The following TMEM108 variants were observed in gnomAD, a reference collection of about 807,000 sequenced individuals.
The protein encoded by TMEM108 is cancer/testis antigen 124.
In TMEM108, 12 loss-of-function variants were observed where a neutral mutation model predicts 35.1. That is an observed-to-expected ratio of 0.34 (90% CI 0.22 to 0.55). The LOEUF is 0.55. Among genes scored for constraint, TMEM108 ranks in the 20% least tolerant of loss-of-function variants. The pLI is 0.89. For missense variants in TMEM108, 680 were observed against 753.3 expected, an observed-to-expected ratio of 0.90 and a Z score of 1.14; for synonymous variants, 287 against 308.6, an observed-to-expected ratio of 0.93 and a Z score of 0.73.
At chr3:133,307,590 G>T (rs1332174287) in intron 3 of TMEM108, among the ~76,000 whole-genome samples, 1 of 152,054 alleles carries the variant, frequency 6.6e-6, no homozygotes, top group Non-Finnish European at 1.5e-5. Context: ...ATCTACATAT[G>T]GCTAGCCAGT....
intron 2 of TMEM108, among the ~76,000 whole-genome samples, chr3:133,178,535 C>T (rs1309158847): frequency 6.6e-6 from 1 of 151,936 alleles, no homozygotes; most frequent in Non-Finnish European, 1.5e-5. Context: ...CTTTGACAAA[C>T]CTGACAAAAA....
At chr3:133,038,629 C>T (rs1943235409) in intron 1 of TMEM108, among the ~76,000 whole-genome samples, 194 bp downstream of exon 1, 1 of 152,190 alleles carries the variant, frequency 6.6e-6, no homozygotes. Context: ...ATCCTCCCCA[C>T]TGCGTGACGG....
chr3:133,325,882 T>A (rs1205735098), intron 3 of TMEM108, among the ~76,000 whole-genome samples: 2 of 152,034 alleles, frequency 1.3e-5, no homozygotes. Flanking sequence ...TGCTATAACA[T>A]TATGTTTACA....
chr3:133,313,219 A>G (rs1470061943), intron 3 of TMEM108, among the ~76,000 whole-genome samples: 1 of 148,330 alleles, frequency 6.7e-6, no homozygotes, highest in Non-Finnish European at 1.5e-5. Context: ...TTTTTTTGAG[A>G]TGGAGTCTCT....
At chr3:133,338,661 T>C (rs913713910) in intron 3 of TMEM108, among the ~76,000 whole-genome samples, 19 of 152,124 alleles carry the variant, frequency 1.2e-4, no homozygotes, top group African/African-American at 4.3e-4. Flanking sequence ...CAGAATACTG[T>C]AACACTATAA....
chr3:133,322,429 T>C (rs535746630), intron 3 of TMEM108, among the ~76,000 whole-genome samples: 1 of 151,940 alleles, frequency 6.6e-6, no homozygotes, highest in Non-Finnish European at 1.5e-5. Flanking sequence ...CTAGAGGAGG[T>C]GGATAAATTC....
chr3:133,382,244 GA>G (rs1165769395), intron 4 of TMEM108, among the ~76,000 whole-genome samples: 1 of 152,146 alleles, frequency 6.6e-6, no homozygotes, highest in Non-Finnish European at 1.5e-5. Context: ...ATTCTCCTCT[GA>G]CCCTCCAGGT....
intron 3 of TMEM108, among the ~76,000 whole-genome samples, chr3:133,307,838 G>T (rs2071065447): frequency 6.6e-6 from 1 of 151,898 alleles, no homozygotes; most frequent in African/African-American, 2.4e-5. Context: ...GGATTGTCTT[G>T]GCGGGCCCTT....
intron 4 of TMEM108, chr3:133,387,555 G>A: frequency 7.1e-6 from 7 of 985,192 alleles, no homozygotes; most frequent in Non-Finnish European, 8.4e-6. Flanking sequence ...GGGGGCGGAG[G>A]ACTTGGATTC....
intron 3 of TMEM108, among the ~76,000 whole-genome samples, chr3:133,250,010 C>T (rs1478505272): frequency 6.6e-6 from 1 of 152,148 alleles, no homozygotes; most frequent in Admixed American, 6.5e-5. Flanking sequence ...CTTCTAGGCT[C>T]AAGCAGTCCT....
chr3:133,283,953 A>G (rs1007871310), intron 3 of TMEM108, among the ~76,000 whole-genome samples: 2 of 151,916 alleles, frequency 1.3e-5, no homozygotes, highest in East Asian at 1.9e-4. Context: ...AAACGTGGAC[A>G]AGCCACATTT....
At chr3:133,191,504 C>T (rs566453105) in intron 2 of TMEM108, among the ~76,000 whole-genome samples, 1 of 152,322 alleles carries the variant, frequency 6.6e-6, no homozygotes, top group East Asian at 1.9e-4. Flanking sequence ...ATATTTTTCA[C>T]TCATGCCACA....
chr3:133,209,278 A>G (rs1179432840), intron 2 of TMEM108, among the ~76,000 whole-genome samples: 2 of 151,746 alleles, frequency 1.3e-5, no homozygotes, highest in East Asian at 3.9e-4. Context: ...GGCCTCAAGC[A>G]GCCTTCCTGC....
intron 2 of TMEM108, among the ~76,000 whole-genome samples, chr3:133,142,203 C>G (rs1295461009): frequency 6.6e-6 from 1 of 152,136 alleles, no homozygotes; most frequent in African/African-American, 2.4e-5. Context: ...AAGGAATTCA[C>G]AAACCTGTTA....
At chr3:133,115,820 C>A (rs1559837025) in intron 2 of TMEM108, among the ~76,000 whole-genome samples, 1 of 152,182 alleles carries the variant, frequency 6.6e-6, no homozygotes, top group African/African-American at 2.4e-5. Flanking sequence ...CTGTTGCTGT[C>A]CCTGTTATTG....
chr3:133,219,507 T>G (rs781310360), intron 2 of TMEM108, among the ~76,000 whole-genome samples: 23 of 152,088 alleles, frequency 1.5e-4, no homozygotes, highest in Non-Finnish European at 2.5e-4. Flanking sequence ...TAGAACCGCT[T>G]TTGTTTTGCA....
chr3:133,192,325 T>C (rs1473649233), intron 2 of TMEM108, among the ~76,000 whole-genome samples: 4 of 152,190 alleles, frequency 2.6e-5, no homozygotes, highest in Non-Finnish European at 5.9e-5. Flanking sequence ...ATTTGAGCAG[T>C]ACTTTTCTGA....
chr3:133,109,553 A>C (rs116944687), intron 2 of TMEM108, among the ~76,000 whole-genome samples: 1 of 152,238 alleles, frequency 6.6e-6, no homozygotes, highest in African/African-American at 2.4e-5. Flanking sequence ...GAATAGGGCA[A>C]ACGTTACAAC....
At chr3:133,249,589 C>T (rs1946437659) in intron 3 of TMEM108, among the ~76,000 whole-genome samples, 2 of 152,174 alleles carry the variant, frequency 1.3e-5, no homozygotes, top group African/African-American at 4.8e-5. Flanking sequence ...CATTAATTCA[C>T]TTAGTATAAT....
Sources: gnomAD v4.1 joint callset for allele counts (sites outside exome capture counted in the v4.1 genomes callset) on GRCh38, gnomAD v4.1.1 for gene constraint, MANE v1.5 for transcripts, NCBI Gene and HGNC (gene_info 2026-07-23, HGNC 2026-07-21) for gene names.